The following RPH3A variants were observed in gnomAD, a reference collection of about 807,000 sequenced individuals.
RPH3A encodes rabphilin-3A.
In RPH3A, 48 loss-of-function variants were observed where a neutral mutation model predicts 102.2. The ratio of observed to expected loss-of-function variants is 0.47; its 90% CI spans 0.37 to 0.60. The LOEUF is 0.60. RPH3A is among the 20% of genes least tolerant of loss of function. RPH3A has a pLI of 0.00. For missense variants in RPH3A, 781 were observed against 910.1 expected (o/e 0.86, Z 1.83); for synonymous variants, 310 against 324.3 (o/e 0.96, Z 0.47).
chr12:112,719,282 C>T (rs1483404139), intron 1 of RPH3A, among the ~76,000 whole-genome samples: 1 of 152,158 alleles, frequency 6.6e-6, no homozygotes, highest in Non-Finnish European at 1.5e-5. Context: ...ATGGGGAAGT[C>T]AGACAGGAAT....
chr12:112,590,927 T>C (rs553209192), intron 1 of RPH3A, among the ~76,000 whole-genome samples: 13 of 152,216 alleles, frequency 8.5e-5, no homozygotes, highest in Admixed American at 3.9e-4. Context: ...CCCGAGTAGT[T>C]GGAAATACAG....
At chr12:112,822,588 C>G (rs1442255086) in intron 2 of RPH3A, among the ~76,000 whole-genome samples, 1 of 151,850 alleles carries the variant, frequency 6.6e-6, no homozygotes, top group Non-Finnish European at 1.5e-5. Context: ...TCTGGGTTAC[C>G]TGGGGTTAGG....
chr12:112,679,170 T>C (rs77799808), intron 1 of RPH3A, among the ~76,000 whole-genome samples: 3 of 152,156 alleles, frequency 2.0e-5, no homozygotes, highest in African/African-American at 7.2e-5. Context: ...TTTTTTTTTT[T>C]TGAGACGGAG....
intron 1 of RPH3A, among the ~76,000 whole-genome samples, chr12:112,716,084 G>T (rs532236863): frequency 6.6e-6 from 1 of 152,284 alleles, no homozygotes; most frequent in South Asian, 2.1e-4. Context: ...TGTATAATGA[G>T]CAGTGAGGAT....
chr12:112,611,112 A>G (rs186161367), intron 1 of RPH3A, among the ~76,000 whole-genome samples: 133 of 152,346 alleles, frequency 8.7e-4, no homozygotes, highest in South Asian at 4.8e-3. Flanking sequence ...TGAATGAACC[A>G]TTAGATAATT....
chr12:112,653,739 A>C (rs2135998818), intron 1 of RPH3A, among the ~76,000 whole-genome samples: 1 of 152,270 alleles, frequency 6.6e-6, no homozygotes, highest in Non-Finnish European at 1.5e-5. Flanking sequence ...CTAGTGCCCA[A>C]TAGTTATCTT....
intron 1 of RPH3A, among the ~76,000 whole-genome samples, chr12:112,724,128 C>G (rs1414245014): frequency 6.9e-6 from 1 of 145,212 alleles, no homozygotes; most frequent in Non-Finnish European, 1.5e-5. Context: ...GCAATCGTGG[C>G]TCACTGAAGC....
At chr12:112,633,364 A>C (rs2039821555) in intron 1 of RPH3A, among the ~76,000 whole-genome samples, 1 of 152,206 alleles carries the variant, frequency 6.6e-6, no homozygotes, top group African/African-American at 2.4e-5. Flanking sequence ...CCAGTGTGGC[A>C]GTATCAAGAG....
intron 2 of RPH3A, among the ~76,000 whole-genome samples, chr12:112,806,084 T>C (rs917926397): frequency 2.0e-5 from 3 of 152,210 alleles, no homozygotes; most frequent in South Asian, 4.1e-4. Context: ...CACACAACTG[T>C]TCTTTCAGCA....
At chr12:112,655,118 C>A (rs1003921087) in intron 1 of RPH3A, among the ~76,000 whole-genome samples, 1 of 152,196 alleles carries the variant, frequency 6.6e-6, no homozygotes, top group Non-Finnish European at 1.5e-5. Context: ...CATTTTGTAG[C>A]CTGCAACATT....
chr12:112,665,855 A>G (rs973798910), intron 1 of RPH3A, among the ~76,000 whole-genome samples: 24 of 152,172 alleles, frequency 1.6e-4, no homozygotes, highest in Admixed American at 1.4e-3. Flanking sequence ...GATGTGAGTG[A>G]CCTCCCATAA....
At chr12:112,607,628 G>A (rs1343627720) in intron 1 of RPH3A, among the ~76,000 whole-genome samples, 1 of 152,234 alleles carries the variant, frequency 6.6e-6, no homozygotes, top group African/African-American at 2.4e-5. Flanking sequence ...TTGAGCATCT[G>A]AAGGGTTTCC....
chr12:112,841,191 A>AAAAAAAAAAAAAAAAAAAAAC, intron 4 of RPH3A, among the ~76,000 whole-genome samples: 1 of 150,198 alleles, frequency 6.7e-6, no homozygotes, highest in Admixed American at 6.6e-5. Flanking sequence ...AAAAAAAAAA[A>AAAAAAAAAAAAAAAAAAAAAC]AAAGCCTCGT....
intron 5 of RPH3A, among the ~76,000 whole-genome samples, chr12:112,855,364 A>G (rs2042394099): frequency 6.6e-6 from 1 of 152,120 alleles, no homozygotes; most frequent in Admixed American, 6.5e-5. Context: ...AATCACAACT[A>G]TTGCTGTTCC....
intron 1 of RPH3A, among the ~76,000 whole-genome samples, chr12:112,721,357 A>T (rs1390123701): frequency 1.3e-5 from 2 of 152,206 alleles, no homozygotes; most frequent in Non-Finnish European, 2.9e-5. Flanking sequence ...ATCTGAAAGG[A>T]TCTGAGCCTT....
At chr12:112,801,353 T>C (rs1368371180) in intron 2 of RPH3A, among the ~76,000 whole-genome samples, 1 of 152,224 alleles carries the variant, frequency 6.6e-6, no homozygotes, top group African/African-American at 2.4e-5. Flanking sequence ...CAGGCTTGCC[T>C]TTCAGATAGA....
At chr12:112,765,123 C>T (rs1592986668) in intron 1 of RPH3A, among the ~76,000 whole-genome samples, 1 of 152,092 alleles carries the variant, frequency 6.6e-6, no homozygotes, top group South Asian at 2.1e-4. Flanking sequence ...CTCCATTCAT[C>T]AAACACTCCT....
chr12:112,733,693 T>G (rs1454677018), intron 1 of RPH3A, among the ~76,000 whole-genome samples: 1 of 152,112 alleles, frequency 6.6e-6, no homozygotes, highest in African/African-American at 2.4e-5. Context: ...TGGAAGGAAA[T>G]TCTTTCTTAA....
intron 1 of RPH3A, among the ~76,000 whole-genome samples, chr12:112,751,571 C>T (rs1838222554): frequency 6.6e-6 from 1 of 152,028 alleles, no homozygotes; most frequent in South Asian, 2.1e-4. Context: ...AATGTGGTCA[C>T]AAGGATCAGA....
Sources: allele counts gnomAD v4.1 joint callset (sites outside exome capture counted in the v4.1 genomes callset), GRCh38; gene constraint gnomAD v4.1.1; transcripts MANE v1.5; gene names NCBI Gene and HGNC (gene_info 2026-07-23, HGNC 2026-07-21).